The following FAM3D variants were observed in gnomAD, a reference collection of about 807,000 sequenced individuals.
FAM3D encodes the protein FAM3 metabolism regulating signaling molecule D.
A neutral mutation model predicts 29.8 loss-of-function variants in FAM3D; 26 were observed. The ratio of observed to expected loss-of-function variants is 0.87; its 90% CI spans 0.64 to 1.21. The LOEUF (loss-of-function observed/expected upper bound fraction) is 1.21, where lower values mean the gene tolerates loss of function less well. Among genes scored for constraint, FAM3D ranks in the 50% most tolerant of loss-of-function variants. FAM3D has a pLI of 0.00. For missense variants in FAM3D, 253 were observed against 290.9 expected (o/e 0.87, Z 0.95); for synonymous variants, 115 against 102.3 (o/e 1.12, Z -0.75).
intron 3 of FAM3D, among the ~76,000 whole-genome samples, chr3:58,652,870 A>ATCTG (rs1559504821): frequency 1.3e-5 from 2 of 148,576 alleles, no homozygotes; most frequent in African/African-American, 2.5e-5. Flanking sequence ...CTGTCCATCC[A>ATCTG]TCCATCCATC....
chr3:58,636,479 G>C, intron 8 of FAM3D, 59 bp from the exon 9 acceptor site: 1 of 1,595,214 alleles, frequency 6.3e-7, no homozygotes, highest in South Asian at 1.1e-5. Context: ...GGCATCAGGT[G>C]GTGGGATTCC....
intron 2 of FAM3D, among the ~76,000 whole-genome samples, chr3:58,654,606 T>C (rs1443592167): frequency 6.6e-6 from 1 of 152,138 alleles, no homozygotes; most frequent in Non-Finnish European, 1.5e-5. Flanking sequence ...CCTGCTACCT[T>C]CTGAATCAGA....
At chr3:58,647,812 G>C (rs865778210) in intron 4 of FAM3D, among the ~76,000 whole-genome samples, 1 of 152,182 alleles carries the variant, frequency 6.6e-6, no homozygotes, top group Non-Finnish European at 1.5e-5. Context: ...GCATGGAACT[G>C]GTGTGCTACC....
chr3:58,645,986 C>A (rs1386928475), intron 4 of FAM3D, among the ~76,000 whole-genome samples: 2 of 152,140 alleles, frequency 1.3e-5, no homozygotes, highest in African/African-American at 4.8e-5. Context: ...CTTCTGAGTC[C>A]CCAGAGGCCC....
chr3:58,645,407 T>A, intron 5 of FAM3D, 102 bp downstream of exon 5: 1 of 807,284 alleles, frequency 1.2e-6, no homozygotes, highest in Non-Finnish European at 1.8e-6. Flanking sequence ...AGCTGTGGGC[T>A]GGTCTCACAG....
At chr3:58,644,103 C>T (rs573156199) in intron 5 of FAM3D, among the ~76,000 whole-genome samples, 192 of 152,300 alleles carry the variant, frequency 1.3e-3, no homozygotes, top group Non-Finnish European at 2.2e-3. Flanking sequence ...TTCCTGCTGG[C>T]CCGGCATCCA....
intron 1 of FAM3D, among the ~76,000 whole-genome samples, chr3:58,658,983 A>C (rs1478331921): frequency 6.6e-6 from 1 of 152,130 alleles, no homozygotes; most frequent in African/African-American, 2.4e-5. Context: ...GGCAGCGAAA[A>C]CCTGTGATAC....
In FAM3D at chr3:58,653,697, G is replaced by A; in HGVS notation, c.98C>T (p.Thr33Ile). 1 of 1,614,028 alleles carries A rather than the reference G, an allele frequency of 6.2e-7. No homozygotes were observed. Among genetic ancestry groups the A allele is most frequent in the Non-Finnish European group, 8.5e-7 (1 of 1,180,044 alleles). Residue 33 changes from threonine to isoleucine, a missense_variant, in exon 3 of 10, where the codon ACC (threonine) becomes ATC (isoleucine). Coordinates refer to ENST00000358781, the MANE Select transcript of FAM3D (RefSeq NM_138805.3). ...ACCCAGCCAGCGTGGCAGACGGATG[G>A]TTTTCATGCTGAAGCTCATGTAGCT... Reference protein sequence around the residue: ...IRSYMSFSMKTIRLPRWLAAS... With the variant: ...IRSYMSFSMKIIRLPRWLAAS...
At chr3:58,665,951 A>G (rs1371518204) in intron 1 of FAM3D, among the ~76,000 whole-genome samples, 1 of 152,222 alleles carries the variant, frequency 6.6e-6, no homozygotes, top group Admixed American at 6.5e-5. Context: ...CAGATGAGGA[A>G]ACTGAGTCTT....
intron 1 of FAM3D, among the ~76,000 whole-genome samples, chr3:58,658,144 C>T (rs910168638): frequency 6.6e-6 from 1 of 152,180 alleles, no homozygotes; most frequent in African/African-American, 2.4e-5. Context: ...AACTGCCCTT[C>T]CCCATAGCTC....
intron 1 of FAM3D, among the ~76,000 whole-genome samples, chr3:58,662,508 C>A (rs1004286897): frequency 2.6e-5 from 4 of 152,128 alleles, no homozygotes; most frequent in Admixed American, 2.0e-4. Flanking sequence ...TTAATTTTCC[C>A]AACAATCTTA....
In FAM3D at chr3:58,645,606, C is replaced by T; in HGVS notation, c.166G>A (p.Gly56Ser). 6.2e-7 allele frequency: 1 copy of T among 1,614,142 alleles called. No homozygotes were observed. Among genetic ancestry groups the T allele is most frequent in the Non-Finnish European group, 8.5e-7 (1 of 1,180,028 alleles). ...KEIQVKKYKC[G>S]LIKPCPANYF... ...TTGGCTGGGCAGGGCTTGATGAGGC[C>T]ACACTTGTACTTTTTAACCTCTGGG... The change falls in exon 5 of 10, where the codon GGC (glycine) becomes AGC (serine). Residue 56 changes from glycine (G) to serine (S), a missense_variant. Physicochemically the swap from Gly to Ser is moderately conservative, Grantham distance 56. Transcript: ENST00000358781.
chr3:58,649,396 G>A, intron 3 of FAM3D, 58 bp from the exon 4 acceptor site: 1 of 1,609,728 alleles, frequency 6.2e-7, no homozygotes, highest in Non-Finnish European at 8.5e-7. Context: ...CCTGCAGGAT[G>A]GAGGTTGGGG....
At chr3:58,655,088 C>G (rs1409296866) in intron 2 of FAM3D, among the ~76,000 whole-genome samples, 3 of 152,134 alleles carry the variant, frequency 2.0e-5, no homozygotes, top group Non-Finnish European at 4.4e-5. Context: ...ACTTCAAAAC[C>G]CTGTGCCCCT....
intron 7 of FAM3D, among the ~76,000 whole-genome samples, chr3:58,638,773 G>A (rs1337137214): frequency 2.0e-5 from 3 of 152,168 alleles, no homozygotes; most frequent in Non-Finnish European, 1.5e-5. Context: ...CCCAACTAAG[G>A]CCAGCTGCCA....
chr3:58,661,467 C>A (rs1183743216), intron 1 of FAM3D, among the ~76,000 whole-genome samples: 7 of 152,226 alleles, frequency 4.6e-5, no homozygotes, highest in Non-Finnish European at 7.3e-5. Flanking sequence ...GACTTTCCTC[C>A]CATTCACCTG....
At position 58,653,734 on chromosome 3, in the gene FAM3D, T is replaced by C. The variant is rs1343158146; in HGVS notation, c.61A>G (p.Met21Val). Residue 21 changes from methionine (M) to valine (V), a missense_variant, in exon 3 of 10, where the codon ATG (methionine) becomes GTG (valine). By Grantham distance (21) the Met-to-Val change is conservative. Transcript: ENST00000358781. ...ALIFAIVTTW[M>V]FIRSYMSFSM... ...AAGCTCATGTAGCTTCGAATAAACA[T>C]CCATGTCGTGACTATGGCAAAGATG... is the stretch of plus-strand genomic sequence containing the variant. The C allele has an allele frequency of 3.7e-6, 6 of 1,613,946 alleles. No homozygotes were observed. The highest frequency in any genetic ancestry group is 5.1e-6 in the Non-Finnish European group (6 of 1,180,040).
chr3:58,641,055 C>T (rs535867893), intron 6 of FAM3D, among the ~76,000 whole-genome samples: 77 of 152,128 alleles, frequency 5.1e-4, no homozygotes, highest in East Asian at 2.1e-3. Context: ...GTGGGGGTGG[C>T]GGCCAGCATA....
chr3:58,661,383 G>A (rs1313287673), intron 1 of FAM3D, among the ~76,000 whole-genome samples: 2 of 152,156 alleles, frequency 1.3e-5, no homozygotes, highest in African/African-American at 4.8e-5. Context: ...CCTCCTCGGG[G>A]GGTGGCTCCA....
Sources: allele counts gnomAD v4.1 joint callset (sites outside exome capture counted in the v4.1 genomes callset), GRCh38; gene constraint gnomAD v4.1.1; transcripts MANE v1.5; gene names NCBI Gene and HGNC (gene_info 2026-07-23, HGNC 2026-07-21).